The following ARHGEF9 variants were observed in gnomAD, a reference collection of about 807,000 sequenced individuals.
ARHGEF9 encodes rho guanine nucleotide exchange factor 9.
Under a neutral mutation model 41.3 loss-of-function variants are expected in ARHGEF9, and 2 were observed. The observed-to-expected ratio is 0.05, with a 90% CI of 0.02 to 0.15. ARHGEF9 has a LOEUF of 0.15. Ranked by LOEUF, ARHGEF9 falls within the 10% of genes least tolerant of loss-of-function variation. ARHGEF9 has a pLI of 1.00. For missense variants in ARHGEF9, 225 were observed against 424.7 expected, an observed-to-expected ratio of 0.53 and a Z score of 4.13; for synonymous variants, 160 against 154.4, an observed-to-expected ratio of 1.04 and a Z score of -0.27.
intron 4 of ARHGEF9, among the ~76,000 whole-genome samples, chrX:63,696,396 C>T (rs2051748834): frequency 8.9e-6 from 1 of 112,028 alleles, no homozygotes; most frequent in African/African-American, 3.2e-5. Flanking sequence ...TGTAACCTCA[C>T]ATTCCAGATG....
intron 1 of ARHGEF9, chrX:63,732,230 T>C (rs1360563759): frequency 2.7e-5 from 3 of 111,685 alleles, no homozygotes; most frequent in Non-Finnish European, 5.6e-5. Flanking sequence ...ATCATCCTTC[T>C]CATGACATCA....
Position 63,683,847 on chromosome X carries a change from A to T in ARHGEF9, c.583-5275T>A, listed in dbSNP as rs1367061747. 3.6e-5 allele frequency among the ~76,000 whole-genome samples: 4 copies of T among 111,250 alleles called. 1 individual carries two copies. Among genetic ancestry groups the T allele is most frequent in the Non-Finnish European group, 7.6e-5 (4 of 52,947 alleles). ...TTAGACCATACACAAAAATCAACTC[A>T]AAATGCATAAGAGACTGAAACATAA... On this transcript the variant is annotated intron_variant, in intron 4 of 9. Transcript: ENST00000671741.
intron 4 of ARHGEF9, among the ~76,000 whole-genome samples, chrX:63,683,745 A>G (rs2050803367): frequency 1.8e-5 from 2 of 111,752 alleles, no homozygotes. Flanking sequence ...CACAATGGGG[A>G]ACGTATAGTC....
Position 63,666,961 on chromosome X carries a change from C to A in ARHGEF9, c.946-944G>T, listed in dbSNP as rs1486727996. 2.7e-5 allele frequency among the ~76,000 whole-genome samples: 3 copies of A among 111,426 alleles called. No homozygotes were observed. The Admixed American group carries it at 2.9e-4, about 11-fold the overall frequency. On this transcript the variant is annotated intron_variant, in intron 6 of 9. Transcript: ENST00000671741. ...GTGTCAGATGTCAAGGTAGACCTGG[C>A]CCCTGTCCTCAAGGAGCTTATGTCT...
chrX:63,656,341 T>C (rs1430147895), intron 7 of ARHGEF9, among the ~76,000 whole-genome samples: 1 of 112,015 alleles, frequency 8.9e-6, no homozygotes, highest in Admixed American at 9.5e-5. Flanking sequence ...ACAAATCTTA[T>C]GGAGAAAAAC....
intron 3 of ARHGEF9, among the ~76,000 whole-genome samples, chrX:63,703,931 C>CT (rs547980721): frequency 0.012 from 1,304 of 110,736 alleles, 11 homozygotes; most frequent in Non-Finnish European, 0.018. Context: ...TGCAAAGGCT[C>CT]TAAGGGAGGA....
intron 3 of ARHGEF9, among the ~76,000 whole-genome samples, chrX:63,703,687 C>T (rs1204472559): frequency 3.6e-5 from 4 of 111,383 alleles, no homozygotes; most frequent in Non-Finnish European, 7.5e-5. Context: ...GTAGAGGAGA[C>T]AGACAATAAA....
At chrX:63,777,312 T>C (rs1305067742) in intron 1 of ARHGEF9, among the ~76,000 whole-genome samples, 5 of 111,358 alleles carry the variant, frequency 4.5e-5, no homozygotes, top group Non-Finnish European at 1.9e-5. Context: ...ATCACAAGAA[T>C]AGCATGAGGG....
intron 4 of ARHGEF9, among the ~76,000 whole-genome samples, chrX:63,694,016 C>T (rs1264736192): frequency 9.1e-6 from 1 of 110,472 alleles, no homozygotes; most frequent in African/African-American, 3.3e-5. Flanking sequence ...AACCCCATCT[C>T]TACTAAAAAG....
chrX:63,666,133 G>A (rs2049526567), intron 6 of ARHGEF9, 116 bp from the exon 7 acceptor site: 1 of 979,960 alleles, frequency 1.0e-6, no homozygotes, highest in South Asian at 2.0e-5. Context: ...GAAAGGGCCT[G>A]GTAGAGACAG....
At chrX:63,760,064 C>G (rs2056008224) in intron 1 of ARHGEF9, among the ~76,000 whole-genome samples, 1 of 110,839 alleles carries the variant, frequency 9.0e-6, no homozygotes, top group African/African-American at 3.3e-5. Context: ...CCCAAGATCC[C>G]TAGTTCTCAA....
chrX:63,739,328 G>T (rs1556425149), intron 1 of ARHGEF9, among the ~76,000 whole-genome samples: 1 of 111,536 alleles, frequency 9.0e-6, no homozygotes, highest in Non-Finnish European at 1.9e-5. Flanking sequence ...CAACATGCAG[G>T]AGACAGCAGG....
chrX:63,674,596 C>T, intron 5 of ARHGEF9, among the ~76,000 whole-genome samples: 1 of 111,808 alleles, frequency 8.9e-6, no homozygotes, highest in Non-Finnish European at 1.9e-5. Context: ...CTTTGTTGTG[C>T]TTATCTGGGA....
At chrX:63,674,582 G>A (rs1234045537) in intron 5 of ARHGEF9, among the ~76,000 whole-genome samples, 1 of 111,697 alleles carries the variant, frequency 9.0e-6, no homozygotes, top group African/African-American at 3.3e-5. Context: ...CTGCTTTTGC[G>A]CCTCTTTGTT....
intron 1 of ARHGEF9, among the ~76,000 whole-genome samples, chrX:63,750,522 A>G (rs2055558942): frequency 9.0e-6 from 1 of 111,618 alleles, no homozygotes; most frequent in African/African-American, 3.3e-5. Context: ...AGCTAGGCTG[A>G]TCAGGATTCC....
In ARHGEF9 at chrX:63,636,564, G is replaced by A. The variant is rs1292525771; in HGVS notation, c.*1464C>T. The A allele has an allele frequency of 5.7e-6, 1 of 174,403 alleles. No homozygotes were observed. Among genetic ancestry groups the A allele is most frequent in the Non-Finnish European group, 1.1e-5 (1 of 94,030 alleles). The allele number at this position is 174,403 out of a possible 1,213,427, so 14.4% of individuals were successfully genotyped here. A position where few individuals can be genotyped will look rare whatever the true frequency, so the allele number is the denominator to read the frequency against. ...GGGATGAGAGGATGTTGGAAACACG[G>A]CCTTCTTTGAGTGCCAGAACAGCTT... On this transcript the variant is annotated 3_prime_UTR_variant, in exon 10 of 10. Transcript: ENST00000671741.
In ARHGEF9 at chrX:63,724,647, C is replaced by T. The variant is rs782244025; in HGVS notation, c.95G>A (p.Arg32Gln). 2 of 1,211,176 alleles carry T rather than the reference C, an allele frequency of 1.7e-6. No homozygotes were observed. The highest frequency in any genetic ancestry group is 2.2e-6 in the Non-Finnish European group (2 of 895,136). ...AVWDHVTMAN[R>Q]ELAFKAGDVI... is the part of the protein sequence containing the mutation. Reference sequence around the variant, plus strand: ...GTCGCCAGCTTTAAATGCCAACTCCCGGTTGGCCATGGTGACGTGATCCCA... The same window carrying T: ...GTCGCCAGCTTTAAATGCCAACTCCTGGTTGGCCATGGTGACGTGATCCCA... The change falls in exon 2 of 10, where the codon CGG becomes CAG. Residue 32 changes from arginine (R) to glutamine (Q), a missense_variant. Arg to Gln is a conservative substitution (Grantham distance 43). Coordinates refer to ENST00000671741, the MANE Select transcript of ARHGEF9 (RefSeq NM_001353921.2).
At chrX:63,728,408 A>T (rs2054095698) in intron 1 of ARHGEF9, among the ~76,000 whole-genome samples, 1 of 111,822 alleles carries the variant, frequency 8.9e-6, no homozygotes, top group Non-Finnish European at 1.9e-5. Context: ...GGTACCAACA[A>T]TGCATATCTT....
intron 1 of ARHGEF9, among the ~76,000 whole-genome samples, chrX:63,747,876 G>A (rs2055371515): frequency 8.9e-6 from 1 of 112,525 alleles, no homozygotes; most frequent in African/African-American, 3.2e-5. Context: ...AACTACAGTT[G>A]TAGTACTGAC....
Sources: allele counts gnomAD v4.1 joint callset (sites outside exome capture counted in the v4.1 genomes callset), GRCh38; gene constraint gnomAD v4.1.1; transcripts MANE v1.5; gene names NCBI Gene and HGNC (gene_info 2026-07-23, HGNC 2026-07-21).